Variants in GRK3 observed in about 807,000 individuals in gnomAD.
GRK3 encodes G protein-coupled receptor kinase 3, also known as adrenergic, beta, receptor kinase 2.
GRK3 carries 54 observed loss-of-function variants against 95.7 expected under a neutral mutation model. The observed-to-expected ratio is 0.56, with a 90% CI of 0.45 to 0.71. GRK3 has a LOEUF of 0.71. Ranked by LOEUF, GRK3 falls within the 30% of genes least tolerant of loss-of-function variation. GRK3 has a pLI of 0.00. For synonymous variants in GRK3, 281 were observed against 290.8 expected, an observed-to-expected ratio of 0.97 and a Z score of 0.34; for missense variants, 649 against 851.2, an observed-to-expected ratio of 0.76 and a Z score of 2.96.
intron 1 of GRK3, among the ~76,000 whole-genome samples, chr22:25,579,217 T>C (rs1932013249): frequency 6.6e-6 from 1 of 151,058 alleles, no homozygotes; most frequent in Non-Finnish European, 1.5e-5. Context: ...AGTACAGTAG[T>C]GGTGTGATCA....
At chr22:25,612,890 G>A (rs1248482440) in intron 2 of GRK3, among the ~76,000 whole-genome samples, 2 of 148,404 alleles carry the variant, frequency 1.3e-5, no homozygotes, top group Admixed American at 1.3e-4. Flanking sequence ...TAATAATAAA[G>A]ATGGATGTAG....
At chr22:25,587,007 C>T (rs1932336479) in intron 1 of GRK3, among the ~76,000 whole-genome samples, 2 of 151,914 alleles carry the variant, frequency 1.3e-5, no homozygotes, top group South Asian at 4.1e-4. Flanking sequence ...GCCTCAGCCT[C>T]CTGAGTAGCT....
intron 15 of GRK3, among the ~76,000 whole-genome samples, chr22:25,707,055 C>T (rs973240895): frequency 2.2e-4 from 34 of 151,822 alleles, no homozygotes; most frequent in African/African-American, 7.7e-4. Context: ...CTCCTGGCCT[C>T]AAGTGATCTT....
At position 25,711,129 on chromosome 22, in the gene GRK3, G is replaced by T; in HGVS notation, c.1457G>T (p.Gly486Val). 1 of 1,613,352 alleles carries T rather than the reference G, an allele frequency of 6.2e-7. No homozygotes were observed. Among genetic ancestry groups the T allele is most frequent in the Non-Finnish European group, 8.5e-7 (1 of 1,179,544 alleles). ...AATGCTGCTGATGCCTTTGATATTGGCTCATTTGATGAAGAGGATACCAAA... is the reference window on the plus strand; with the variant it reads ...AATGCTGCTGATGCCTTTGATATTGTCTCATTTGATGAAGAGGATACCAAA... ...EVNAADAFDI[G>V]SFDEEDTKGI... The change falls in exon 17 of 21, where the codon GGC (glycine) becomes GTC (valine). Residue 486 changes from glycine to valine, a missense_variant. Gly to Val is a moderately radical substitution (Grantham distance 109). Coordinates refer to ENST00000324198, the MANE Select transcript of GRK3 (RefSeq NM_005160.4).
At chr22:25,570,419 C>T (rs1376169250) in intron 1 of GRK3, among the ~76,000 whole-genome samples, 2 of 152,188 alleles carry the variant, frequency 1.3e-5, no homozygotes, top group African/African-American at 2.4e-5. Flanking sequence ...TGAGCTGTCC[C>T]CTCCCTTGAA....
chr22:25,703,423 C>A, intron 13 of GRK3, 87 bp from the exon 14 acceptor site: 1 of 959,696 alleles, frequency 1.0e-6, no homozygotes, highest in East Asian at 2.4e-5. Flanking sequence ...AGTGATAGGA[C>A]ATCATACTTT....
rs988739717 is a variant in GRK3 at position 25,708,177 on chromosome 22, G to T, written c.1329-1721G>T. Among the ~76,000 whole-genome samples, 13 of 152,232 alleles carry T rather than the reference G, an allele frequency of 8.5e-5. No individual in the cohort carries two copies. The East Asian group carries it at 2.3e-3, about 27-fold the overall frequency. On this transcript the variant is annotated intron_variant, in intron 15 of 20. Coordinates refer to ENST00000324198, the MANE Select transcript of GRK3 (RefSeq NM_005160.4). ...CAGGAGAATCGCTTGAACCCAGGAG[G>T]CGGAGGTTGCAGTGAGCCGAGATGG... is the stretch of plus-strand genomic sequence containing the variant.
chr22:25,682,769 G>A (rs1248430431), intron 9 of GRK3, among the ~76,000 whole-genome samples: 5 of 152,034 alleles, frequency 3.3e-5, no homozygotes, highest in Non-Finnish European at 5.9e-5. Context: ...ACGCATCTCC[G>A]GCACCCAGAT....
intron 15 of GRK3, among the ~76,000 whole-genome samples, chr22:25,707,836 T>C (rs979419912): frequency 6.6e-6 from 1 of 151,842 alleles, no homozygotes; most frequent in African/African-American, 2.4e-5. Context: ...GGAGGAGACA[T>C]TAGAGTAGTT....
chr22:25,570,715 C>T (rs1931667393), intron 1 of GRK3, among the ~76,000 whole-genome samples: 1 of 152,162 alleles, frequency 6.6e-6, no homozygotes, highest in Admixed American at 6.5e-5. Flanking sequence ...GACTGGATAT[C>T]CCGGCCCCCC....
intron 2 of GRK3, among the ~76,000 whole-genome samples, chr22:25,610,950 C>T (rs1250805380): frequency 1.3e-5 from 2 of 152,144 alleles, no homozygotes; most frequent in Non-Finnish European, 1.5e-5. Flanking sequence ...CAACCTCCGC[C>T]TCCTGGGTTC....
intron 3 of GRK3, chr22:25,649,037 C>T: frequency 7.3e-7 from 1 of 1,370,422 alleles, no homozygotes; most frequent in Non-Finnish European, 1.0e-6. Flanking sequence ...GTATGGTGAA[C>T]CATGAAATAC....
chr22:25,583,062 G>A (rs1932158031), intron 1 of GRK3, among the ~76,000 whole-genome samples: 1 of 152,178 alleles, frequency 6.6e-6, no homozygotes, highest in South Asian at 2.1e-4. Flanking sequence ...TGCTTAGATA[G>A]CGCATACTTA....
chr22:25,657,042 G>C (rs1224740159), intron 3 of GRK3, among the ~76,000 whole-genome samples: 1 of 152,180 alleles, frequency 6.6e-6, no homozygotes, highest in Non-Finnish European at 1.5e-5. Context: ...AGTGTGGTCT[G>C]GTTGTACTGC....
At chr22:25,620,692 T>C (rs2084578276) in intron 2 of GRK3, among the ~76,000 whole-genome samples, 2 of 152,102 alleles carry the variant, frequency 1.3e-5, no homozygotes, top group African/African-American at 4.8e-5. Context: ...AAAGGGGTGT[T>C]GAATGGGGAA....
At position 25,690,284 on chromosome 22, in the gene GRK3, G is replaced by A. The variant is rs751241745; in HGVS notation, c.1052+1G>A. 6.2e-7 allele frequency: 1 copy of A among 1,610,158 alleles called. No individual in the cohort carries two copies. The highest frequency in any genetic ancestry group is 8.5e-7 in the Non-Finnish European group (1 of 1,176,488). The stretch of plus-strand genomic sequence containing the variant: ...CCAAAAAGAAGCCTCATGCGAGTGT[G>A]TAAGTAGTGCGTCAACTTCAGTTCA... On this transcript the variant is annotated splice_donor_variant, in intron 12 of 20. Transcript: ENST00000324198. LOFTEE classifies it high-confidence loss of function.
intron 11 of GRK3, among the ~76,000 whole-genome samples, chr22:25,689,890 G>A (rs1569197019): frequency 6.6e-6 from 1 of 152,216 alleles, no homozygotes; most frequent in African/African-American, 2.4e-5. Context: ...CAGTGAAAAG[G>A]AAATGCTTTT....
intron 2 of GRK3, among the ~76,000 whole-genome samples, chr22:25,608,742 A>G (rs2084471982): frequency 6.6e-6 from 1 of 152,236 alleles, no homozygotes; most frequent in Admixed American, 6.5e-5. Flanking sequence ...GAGCCTGTAG[A>G]TAAGAACCCG....
chr22:25,633,482 A>T (rs1192773979), intron 2 of GRK3, among the ~76,000 whole-genome samples: 1 of 151,964 alleles, frequency 6.6e-6, no homozygotes, highest in African/African-American at 2.4e-5. Flanking sequence ...GTTTTTGTTC[A>T]TTAGTATTTT....
Sources: gnomAD v4.1 joint callset for allele counts (sites outside exome capture counted in the v4.1 genomes callset) on GRCh38, gnomAD v4.1.1 for gene constraint, MANE v1.5 for transcripts, NCBI Gene and HGNC (gene_info 2026-07-23, HGNC 2026-07-21) for gene names.